Variants in VCL observed in about 807,000 individuals in gnomAD.
VCL encodes the protein epididymis luminal protein 114.
VCL carries 47 observed loss-of-function variants against 125.7 expected under a neutral mutation model. The ratio of observed to expected loss-of-function variants is 0.37; its 90% CI spans 0.30 to 0.48. The LOEUF is 0.48. Among genes scored for constraint, VCL ranks in the 20% least tolerant of loss-of-function variants. The pLI is 0.99. For missense variants in VCL, 1,069 were observed against 1,455.5 expected, an observed-to-expected ratio of 0.73 and a Z score of 4.32; for synonymous variants, 458 against 514.6, an observed-to-expected ratio of 0.89 and a Z score of 1.49.
At chr10:74,112,670 G>A (rs1022855771) in intron 19 of VCL, among the ~76,000 whole-genome samples, 3 of 152,162 alleles carry the variant, frequency 2.0e-5, no homozygotes, top group African/African-American at 7.2e-5. Flanking sequence ...GCTTGTCCAG[G>A]TATCTCAGTG....
chr10:74,062,464 C>T (rs1043974069), intron 2 of VCL, among the ~76,000 whole-genome samples: 1 of 151,496 alleles, frequency 6.6e-6, no homozygotes, highest in East Asian at 1.9e-4. Context: ...CCTCAGCCTC[C>T]CAGACCATGG....
Position 74,042,999 on chromosome 10 carries a change from GTA to G in VCL, c.169-80_169-79del, listed in dbSNP as rs1216747715. On this transcript the variant is annotated intron_variant, in intron 1 of 21. Transcript: ENST00000211998. ...AACTTTAATGATAGATTATGTTTAA[GTA>G]TATGTTTCAAATATGCTTAAGTAAT... The G allele has an allele frequency of 4.9e-5, 64 of 1,302,566 alleles. 1 individual carries two copies. Among genetic ancestry groups the G allele is most frequent in the East Asian group, 4.3e-4 (18 of 41,874 alleles). The allele number at this position is 1,302,566 out of a possible 1,614,324, so 80.7% of individuals were successfully genotyped here.
chr10:74,066,153 G>A (rs1441752137), intron 2 of VCL, among the ~76,000 whole-genome samples: 3 of 148,648 alleles, frequency 2.0e-5, no homozygotes, highest in Non-Finnish European at 4.4e-5. Flanking sequence ...TCCGCCTCCC[G>A]GGTTCAAGTA....
In VCL at chr10:74,082,617, T is replaced by G. The variant is rs1003532215; in HGVS notation, c.874+73T>G. The G allele has an allele frequency of 2.0e-6, 3 of 1,486,080 alleles. No homozygotes were observed. In the Admixed American group the frequency reaches 5.3e-5, roughly 26 times the overall value. The allele number at this position is 1,486,080 out of a possible 1,614,324, so 92.1% of individuals were successfully genotyped here. ...AACCAAGCAAATGAAAGAAAGAAAT[T>G]TTCCCATAATCTCATCATCTGAGAG... is the stretch of plus-strand genomic sequence containing the variant. On this transcript the variant is annotated intron_variant, in intron 7 of 21. Transcript: ENST00000211998.
chr10:74,016,401 A>G (rs980370954), intron 1 of VCL, among the ~76,000 whole-genome samples: 1 of 151,978 alleles, frequency 6.6e-6, no homozygotes, highest in Admixed American at 6.6e-5. Flanking sequence ...GCTTGAGTGT[A>G]GAAGTCCGAG....
intron 10 of VCL, 134 bp downstream of exon 10, chr10:74,090,332 G>A (rs1483221223): frequency 2.1e-6 from 2 of 948,096 alleles, no homozygotes; most frequent in Non-Finnish European, 3.2e-6. Context: ...CACTTATGAT[G>A]CTCTTCCACT....
intron 18 of VCL, 120 bp downstream of exon 18, chr10:74,109,276 G>A: frequency 1.6e-6 from 2 of 1,281,064 alleles, no homozygotes; most frequent in Non-Finnish European, 2.2e-6. Context: ...TTTGGTTCCT[G>A]TGTTGCCAAT....
intron 2 of VCL, among the ~76,000 whole-genome samples, chr10:74,068,966 C>T (rs1841617446): frequency 1.4e-5 from 2 of 140,188 alleles, no homozygotes; most frequent in African/African-American, 6.5e-5. Context: ...ACAAAATATC[C>T]AGTCCTTTAA....
At position 74,083,491 on chromosome 10, in the gene VCL, C is replaced by A; in HGVS notation, c.1000C>A (p.Gln334Lys). The change falls in exon 8 of 22, where the codon CAA becomes AAA. Residue 334 changes from glutamine to lysine, a missense_variant. Coordinates refer to ENST00000211998, the MANE Select transcript of VCL (RefSeq NM_014000.3). ...TCKMLGQMTD[Q>K]VADLRARGQG... ...CAAAATGCTAGGGCAGATGACTGAT[C>A]AAGTGGCTGACCTCCGTGCCAGGTA... 6.2e-7 allele frequency: 1 copy of A among 1,614,004 alleles called. No individual in the cohort carries two copies. The highest frequency in any genetic ancestry group is 1.1e-5 in the South Asian group (1 of 91,052).
At chr10:74,105,442 A>G in intron 16 of VCL, 89 bp downstream of exon 16, 1 of 1,548,790 alleles carries the variant, frequency 6.5e-7, no homozygotes, top group Non-Finnish European at 8.9e-7. Context: ...CAACCACCAC[A>G]TACAAAGTCT....
chr10:74,117,093 T>G (rs771178424), intron 21 of VCL, among the ~76,000 whole-genome samples: 2 of 152,232 alleles, frequency 1.3e-5, no homozygotes, highest in Admixed American at 1.3e-4. Flanking sequence ...GATTAACGTA[T>G]TTAGATTTTC....
At chr10:74,048,276 C>T (rs1591672030) in intron 2 of VCL, among the ~76,000 whole-genome samples, 1 of 152,024 alleles carries the variant, frequency 6.6e-6, no homozygotes, top group East Asian at 1.9e-4. Flanking sequence ...CAAAACCAGC[C>T]TGGCCAACAT....
At chr10:74,066,276 C>G (rs1841568947) in intron 2 of VCL, among the ~76,000 whole-genome samples, 1 of 151,980 alleles carries the variant, frequency 6.6e-6, no homozygotes, top group African/African-American at 2.4e-5. Context: ...TCAGGCAGGT[C>G]TTGAACTCCC....
chr10:74,010,657 AAAC>A (rs754883384), intron 1 of VCL, among the ~76,000 whole-genome samples: 4 of 151,830 alleles, frequency 2.6e-5, no homozygotes, highest in African/African-American at 4.8e-5. Flanking sequence ...TTAAAAAAAA[AAAC>A]AAACAAAAAC....
rs1475626067 is a variant in VCL, at chr10:74,118,121, T to C, written c.3357T>C (p.Asp1119=). 3 of 1,614,032 alleles carry C rather than the reference T, an allele frequency of 1.9e-6. No individual in the cohort carries two copies. In the African/African-American group the frequency reaches 4.0e-5, roughly 22 times the overall value. The change falls in exon 22 of 22, where the codon GAT becomes GAC. Residue 1119 remains aspartate, a synonymous_variant. Transcript: ENST00000211998. The part of the protein sequence containing the change: ...AEAASIKIRT[D]AGFTLRWVRK... ...CTGCTTCAATCAAAATTCGAACAGA[T>C]GCTGGATTTACACTGCGCTGGGTTA...
chr10:74,102,116 C>T (rs61865584), intron 14 of VCL, among the ~76,000 whole-genome samples: 9 of 152,024 alleles, frequency 5.9e-5, no homozygotes, highest in African/African-American at 1.9e-4. Context: ...CCGCCCACCT[C>T]GGCCTCCCAA....
intron 2 of VCL, among the ~76,000 whole-genome samples, chr10:74,052,499 C>T (rs535860981): frequency 7.2e-5 from 11 of 151,828 alleles, no homozygotes; most frequent in South Asian, 2.1e-4. Context: ...GCCTCAGCCC[C>T]GCAAGTAGCT....
At chr10:74,099,822 G>A (rs1591709201) in intron 13 of VCL, among the ~76,000 whole-genome samples, 1 of 152,280 alleles carries the variant, frequency 6.6e-6, no homozygotes, top group East Asian at 1.9e-4. Flanking sequence ...GGGATTTTAG[G>A]CAGAGATTCT....
At chr10:74,108,190 T>C (rs1840167346) in intron 17 of VCL, among the ~76,000 whole-genome samples, 1 of 152,206 alleles carries the variant, frequency 6.6e-6, no homozygotes, top group Non-Finnish European at 1.5e-5. Context: ...GGTGGGTGTT[T>C]AGAGCTGGGA....
Sources: allele counts gnomAD v4.1 joint callset (sites outside exome capture counted in the v4.1 genomes callset), GRCh38; gene constraint gnomAD v4.1.1; transcripts MANE v1.5; gene names NCBI Gene and HGNC (gene_info 2026-07-23, HGNC 2026-07-21).